Variants in GPC5 observed in about 807,000 individuals in gnomAD.
GPC5 encodes glypican-5.
A neutral mutation model predicts 53.9 loss-of-function variants in GPC5; 47 were observed. The observed-to-expected ratio is 0.87, with a 90% CI of 0.69 to 1.11. The LOEUF is 1.11. Ranked by LOEUF, GPC5 falls within the 50% of genes most tolerant of loss-of-function variation. The pLI, the probability that GPC5 is intolerant of heterozygous loss-of-function variation, is 0.00. For missense variants in GPC5, 748 were observed against 713.1 expected, an observed-to-expected ratio of 1.05 and a Z score of -0.56; for synonymous variants, 286 against 263.3, an observed-to-expected ratio of 1.09 and a Z score of -0.84.
At chr13:91,867,165 A>G (rs2039094057) in intron 5 of GPC5, among the ~76,000 whole-genome samples, 1 of 152,232 alleles carries the variant, frequency 6.6e-6, no homozygotes, top group Non-Finnish European at 1.5e-5. Context: ...TGGCAAGCCG[A>G]GGTCACGCCA....
At chr13:92,216,772 G>A (rs1325880566) in intron 7 of GPC5, among the ~76,000 whole-genome samples, 3 of 152,018 alleles carry the variant, frequency 2.0e-5, no homozygotes, top group African/African-American at 7.2e-5. Flanking sequence ...CTGAGGTCAG[G>A]AGTTTGAGAC....
chr13:92,009,276 G>GTGTGTGTA (rs1294292901), intron 6 of GPC5, among the ~76,000 whole-genome samples: 1 of 151,500 alleles, frequency 6.6e-6, no homozygotes, highest in Non-Finnish European at 1.5e-5. Context: ...GTGTGTGTGT[G>GTGTGTGTA]TGTGTGTGTT....
At chr13:92,677,090 ACTT>A (rs1348299832) in intron 7 of GPC5, among the ~76,000 whole-genome samples, 1 of 152,186 alleles carries the variant, frequency 6.6e-6, no homozygotes, top group Non-Finnish European at 1.5e-5. Context: ...TAGAACAAAA[ACTT>A]AAAGTAATTG....
intron 7 of GPC5, among the ~76,000 whole-genome samples, chr13:92,477,384 T>A (rs1372655018): frequency 6.6e-6 from 1 of 152,122 alleles, no homozygotes; most frequent in Non-Finnish European, 1.5e-5. Context: ...CAGTATCTGA[T>A]AGTGGGTGTA....
chr13:91,699,204 C>A (rs2035944806), intron 3 of GPC5, among the ~76,000 whole-genome samples: 2 of 152,168 alleles, frequency 1.3e-5, no homozygotes, highest in African/African-American at 4.8e-5. Flanking sequence ...TAAGTAGAAT[C>A]TCTAGGGTTG....
chr13:92,770,341 G>A (rs1875563920), intron 7 of GPC5, among the ~76,000 whole-genome samples: 1 of 151,294 alleles, frequency 6.6e-6, no homozygotes, highest in African/African-American at 2.4e-5. Flanking sequence ...CTTGAGCCTG[G>A]GAGGTGGAGG....
intron 2 of GPC5, among the ~76,000 whole-genome samples, chr13:91,472,563 T>C (rs1452052687): frequency 6.6e-6 from 1 of 152,226 alleles, no homozygotes; most frequent in Non-Finnish European, 1.5e-5. Context: ...CTAAACAAAC[T>C]AGGAAGAAAA....
intron 6 of GPC5, among the ~76,000 whole-genome samples, chr13:92,005,646 TC>T (rs2040599806): frequency 6.6e-6 from 1 of 152,232 alleles, no homozygotes; most frequent in Admixed American, 6.5e-5. Context: ...TATCCATATC[TC>T]CCTTCTAGAC....
At chr13:92,141,542 C>T (rs1173524077) in intron 6 of GPC5, among the ~76,000 whole-genome samples, 1 of 152,140 alleles carries the variant, frequency 6.6e-6, no homozygotes, top group Non-Finnish European at 1.5e-5. Flanking sequence ...GAATCAAAAG[C>T]TTTCAAACAC....
intron 5 of GPC5, among the ~76,000 whole-genome samples, chr13:91,817,965 G>T (rs1019783327): frequency 2.0e-5 from 3 of 151,740 alleles, no homozygotes; most frequent in African/African-American, 7.3e-5. Context: ...TGCTGGCCAG[G>T]GTACTAATAT....
intron 2 of GPC5, among the ~76,000 whole-genome samples, chr13:91,509,233 T>G (rs1407070993): frequency 6.6e-6 from 1 of 151,500 alleles, no homozygotes. Flanking sequence ...ATTATTAAAT[T>G]GAAAATATAA....
At chr13:91,875,396 A>G (rs570652155) in intron 5 of GPC5, among the ~76,000 whole-genome samples, 2 of 152,328 alleles carry the variant, frequency 1.3e-5, no homozygotes, top group African/African-American at 4.8e-5. Flanking sequence ...TACGCTTAAG[A>G]TGATATATTT....
intron 7 of GPC5, among the ~76,000 whole-genome samples, chr13:92,495,499 A>G (rs1207260552): frequency 6.6e-6 from 1 of 152,160 alleles, no homozygotes; most frequent in Non-Finnish European, 1.5e-5. Flanking sequence ...GTATTGGGAT[A>G]TGCTGCCAGT....
At chr13:92,374,172 A>G (rs1404274166) in intron 7 of GPC5, among the ~76,000 whole-genome samples, 2 of 152,178 alleles carry the variant, frequency 1.3e-5, no homozygotes, top group African/African-American at 2.4e-5. Flanking sequence ...TTTAAAAATC[A>G]CACTGCTATA....
chr13:91,963,443 A>C (rs1254974820), intron 6 of GPC5, among the ~76,000 whole-genome samples: 1 of 152,200 alleles, frequency 6.6e-6, no homozygotes, highest in East Asian at 1.9e-4. Flanking sequence ...GTAGCAGCAC[A>C]TTTAGTGAAC....
chr13:92,517,462 C>A (rs547794238), intron 7 of GPC5, among the ~76,000 whole-genome samples: 1 of 152,172 alleles, frequency 6.6e-6, no homozygotes, highest in South Asian at 2.1e-4. Context: ...ACACCTCACA[C>A]GGCTGGGTAC....
intron 6 of GPC5, among the ~76,000 whole-genome samples, chr13:92,005,792 T>C (rs1566389908): frequency 6.6e-6 from 1 of 152,190 alleles, no homozygotes; most frequent in Non-Finnish European, 1.5e-5. Context: ...TATCCAGTTT[T>C]TCCATTGAAT....
At chr13:92,200,756 G>T (rs1264146601) in intron 7 of GPC5, among the ~76,000 whole-genome samples, 1 of 152,186 alleles carries the variant, frequency 6.6e-6, no homozygotes, top group Non-Finnish European at 1.5e-5. Flanking sequence ...TGTAGCTAAA[G>T]AATTAGGTAC....
At chr13:92,620,313 G>T (rs1884830395) in intron 7 of GPC5, among the ~76,000 whole-genome samples, 1 of 151,976 alleles carries the variant, frequency 6.6e-6, no homozygotes, top group Non-Finnish European at 1.5e-5. Flanking sequence ...ATATTTAGAG[G>T]ATCAATCCAG....
Sources: allele counts gnomAD v4.1 joint callset (sites outside exome capture counted in the v4.1 genomes callset), GRCh38; gene constraint gnomAD v4.1.1; transcripts MANE v1.5; gene names NCBI Gene and HGNC (gene_info 2026-07-23, HGNC 2026-07-21).